Variants in ENTREP2 observed in about 807,000 individuals in gnomAD.
ENTREP2 encodes endosomal transmembrane epsin interactor 2, also known as protein ENTREP2.
the ENTREP2 span, among the ~76,000 whole-genome samples, chr15:29,221,038 T>C: frequency 6.6e-6 from 1 of 152,140 alleles, no homozygotes; most frequent in Non-Finnish European, 1.5e-5. Flanking sequence ...ATCTGAGGAC[T>C]GTGGGAATCT....
the ENTREP2 span, among the ~76,000 whole-genome samples, chr15:29,503,609 T>C: frequency 6.6e-6 from 1 of 152,144 alleles, no homozygotes; most frequent in Admixed American, 6.6e-5. Context: ...ACCTCAATAA[T>C]TAAAAGAAGT....
the ENTREP2 span, among the ~76,000 whole-genome samples, chr15:29,519,400 C>T: frequency 4.6e-5 from 7 of 151,896 alleles, no homozygotes; most frequent in East Asian, 1.9e-4. Flanking sequence ...TCTGCCACCC[C>T]GAGATAGCAA....
At chr15:29,501,588 G>C in the ENTREP2 span, among the ~76,000 whole-genome samples, 1 of 151,920 alleles carries the variant, frequency 6.6e-6, no homozygotes, top group South Asian at 2.1e-4. Flanking sequence ...TGAAAGCTTT[G>C]CTCCTAAGAT....
the ENTREP2 span, among the ~76,000 whole-genome samples, chr15:29,290,893 T>C: frequency 6.6e-6 from 1 of 152,326 alleles, no homozygotes; most frequent in East Asian, 1.9e-4. Flanking sequence ...TGCGGCCTCA[T>C]CTCTTCAAAG....
the ENTREP2 span, among the ~76,000 whole-genome samples, chr15:29,554,067 C>A: frequency 6.6e-6 from 1 of 152,074 alleles, no homozygotes; most frequent in Non-Finnish European, 1.5e-5. Flanking sequence ...GTGATCCCAG[C>A]ACTTTGGGAG....
chr15:29,599,673 T>C, the ENTREP2 span, among the ~76,000 whole-genome samples: 2 of 152,178 alleles, frequency 1.3e-5, no homozygotes, highest in African/African-American at 4.8e-5. Flanking sequence ...ACAGCACCAT[T>C]GTCTTACAAA....
the ENTREP2 span, among the ~76,000 whole-genome samples, chr15:29,340,934 A>G: frequency 1.3e-5 from 2 of 151,980 alleles, no homozygotes; most frequent in African/African-American, 2.4e-5. Flanking sequence ...TTTTCCCTTT[A>G]TCCATTTACT....
chr15:29,138,410 A>G, the ENTREP2 span, among the ~76,000 whole-genome samples: 2 of 152,254 alleles, frequency 1.3e-5, no homozygotes, highest in African/African-American at 2.4e-5. Flanking sequence ...GCTCCAGTCA[A>G]TGCCGCCCTA....
At chr15:29,642,498 C>T in the ENTREP2 span, among the ~76,000 whole-genome samples, 1 of 144,024 alleles carries the variant, frequency 6.9e-6, no homozygotes, top group African/African-American at 2.5e-5. Context: ...TACATATATA[C>T]ACATATATAT....
At chr15:29,413,304 T>A in the ENTREP2 span, among the ~76,000 whole-genome samples, 2 of 152,222 alleles carry the variant, frequency 1.3e-5, no homozygotes, top group African/African-American at 2.4e-5. Context: ...ACATAATTTT[T>A]AATTTTCTGT....
At chr15:29,441,642 C>T in the ENTREP2 span, among the ~76,000 whole-genome samples, 1 of 151,982 alleles carries the variant, frequency 6.6e-6, no homozygotes, top group Non-Finnish European at 1.5e-5. Context: ...TTTTTTAATT[C>T]CACTTACTGA....
chr15:29,580,820 A>G, the ENTREP2 span, among the ~76,000 whole-genome samples: 1 of 152,238 alleles, frequency 6.6e-6, no homozygotes, highest in Non-Finnish European at 1.5e-5. Flanking sequence ...AATTTCCCAC[A>G]GTGTACAGAA....
the ENTREP2 span, among the ~76,000 whole-genome samples, chr15:29,279,370 A>AT: frequency 0.051 from 7,360 of 144,452 alleles, 471 homozygotes; most frequent in African/African-American, 0.14. Flanking sequence ...TTTAGTTGGG[A>AT]TTTTTTTTTT....
At chr15:29,163,684 T>C in the ENTREP2 span, among the ~76,000 whole-genome samples, 1 of 151,992 alleles carries the variant, frequency 6.6e-6, no homozygotes, top group Non-Finnish European at 1.5e-5. Context: ...TGACCAAACC[T>C]AAGAATAACC....
chr15:29,128,842 A>G, the ENTREP2 span: 3 of 1,550,752 alleles, frequency 1.9e-6, no homozygotes, highest in African/African-American at 4.1e-5. Flanking sequence ...GGACTCGGCC[A>G]CCTGCTGACC....
At chr15:29,159,731 G>A in the ENTREP2 span, among the ~76,000 whole-genome samples, 1 of 152,184 alleles carries the variant, frequency 6.6e-6, no homozygotes, top group South Asian at 2.1e-4. Context: ...CACAAACCCT[G>A]AGTTAGACAC....
the ENTREP2 span, among the ~76,000 whole-genome samples, chr15:29,301,006 A>G: frequency 6.6e-6 from 1 of 152,372 alleles, no homozygotes; most frequent in Non-Finnish European, 1.5e-5. Flanking sequence ...AGTAAAAAAC[A>G]CTATTCATAA....
At chr15:29,656,229 A>ATT in the ENTREP2 span, among the ~76,000 whole-genome samples, 15 of 145,490 alleles carry the variant, frequency 1.0e-4, no homozygotes, top group African/African-American at 3.0e-4. Flanking sequence ...TGTTAACGGA[A>ATT]TTTTTTTTTT....
At chr15:29,181,946 C>T in the ENTREP2 span, among the ~76,000 whole-genome samples, 1 of 151,876 alleles carries the variant, frequency 6.6e-6, no homozygotes, top group African/African-American at 2.4e-5. Context: ...ACTTCCATTC[C>T]ATTGTGTTGA....
Sources: gnomAD v4.1 joint callset for allele counts (sites outside exome capture counted in the v4.1 genomes callset) on GRCh38, gnomAD v4.1.1 for gene constraint, MANE v1.5 for transcripts, NCBI Gene and HGNC (gene_info 2026-07-23, HGNC 2026-07-21) for gene names.